ATRNL1: variants seen among roughly 807,000 people sequenced by gnomAD.
The protein encoded by ATRNL1 is attractin-like protein 1.
A neutral mutation model predicts 182.7 loss-of-function variants in ATRNL1; 95 were observed. The observed-to-expected ratio is 0.52, with a 90% CI of 0.44 to 0.62. ATRNL1 has a LOEUF of 0.62. Among genes scored for constraint, ATRNL1 ranks in the 20% least tolerant of loss-of-function variants. ATRNL1 has a pLI of 0.00. For missense variants in ATRNL1, 1,471 were observed against 1,679.5 expected, an observed-to-expected ratio of 0.88 and a Z score of 2.17; for synonymous variants, 576 against 568.3, an observed-to-expected ratio of 1.01 and a Z score of -0.19.
At chr10:115,870,862 T>C (rs1390980038) in intron 28 of ATRNL1, among the ~76,000 whole-genome samples, 2 of 152,192 alleles carry the variant, frequency 1.3e-5, no homozygotes, top group African/African-American at 4.8e-5. Context: ...TAATAATAGT[T>C]CTTTTCTTTA....
At chr10:115,356,375 G>A (rs1554942832) in intron 19 of ATRNL1, among the ~76,000 whole-genome samples, 1 of 151,950 alleles carries the variant, frequency 6.6e-6, no homozygotes, top group Admixed American at 6.6e-5. Flanking sequence ...TATTCTCTCA[G>A]TACATACTAC....
At chr10:115,410,147 T>C (rs1298175216) in intron 20 of ATRNL1, among the ~76,000 whole-genome samples, 2 of 152,138 alleles carry the variant, frequency 1.3e-5, no homozygotes, top group Non-Finnish European at 2.9e-5. Context: ...TCAGGAGTTT[T>C]GAAAATGTCC....
At chr10:115,196,333 C>G (rs1211225686) in intron 8 of ATRNL1, among the ~76,000 whole-genome samples, 1 of 152,136 alleles carries the variant, frequency 6.6e-6, no homozygotes, top group Non-Finnish European at 1.5e-5. Flanking sequence ...GTATCACACT[C>G]TATTGATTAC....
At chr10:115,111,584 C>T (rs932935728) in intron 1 of ATRNL1, among the ~76,000 whole-genome samples, 13 of 152,226 alleles carry the variant, frequency 8.5e-5, no homozygotes, top group Middle Eastern at 3.4e-3. Flanking sequence ...AACCAACTCT[C>T]TCAGGAACTA....
At chr10:115,797,643 AG>A (rs557633318) in intron 27 of ATRNL1, among the ~76,000 whole-genome samples, 1 of 152,274 alleles carries the variant, frequency 6.6e-6, no homozygotes, top group South Asian at 2.1e-4. Context: ...AGTATCTGTT[AG>A]GTAGTGATAA....
At chr10:115,412,995 A>G (rs1354432092) in intron 20 of ATRNL1, among the ~76,000 whole-genome samples, 3 of 152,170 alleles carry the variant, frequency 2.0e-5, no homozygotes, top group East Asian at 1.9e-4. Context: ...TCCAGATCAT[A>G]TTATTATTAG....
rs1370915562 is a variant in ATRNL1, at chr10:115,945,744, G to A, written c.*965G>A. On this transcript the variant is annotated 3_prime_UTR_variant, in exon 29 of 29. Coordinates refer to ENST00000355044, the MANE Select transcript of ATRNL1 (RefSeq NM_207303.4). ...CTACCTTTTACAAATGTTACAAAAT[G>A]TATTTTAGAGGCGACATCTCTCAAG... is the stretch of plus-strand genomic sequence containing the variant. 6.6e-6 allele frequency: 1 copy of A among 152,132 alleles called. No individual in the cohort carries two copies. The highest frequency in any genetic ancestry group is 1.5e-5 in the Non-Finnish European group (1 of 68,024). 9.4% of individuals were successfully genotyped at this position (152,132 alleles called of 1,614,324 possible).
chr10:115,737,434 T>TAAA (rs201707341), intron 27 of ATRNL1, among the ~76,000 whole-genome samples: 1 of 139,390 alleles, frequency 7.2e-6, no homozygotes, highest in Admixed American at 7.2e-5. Flanking sequence ...AGACCCTGTC[T>TAAA]AAAAAAAAAA....
At chr10:115,548,100 C>T (rs568926932) in intron 25 of ATRNL1, among the ~76,000 whole-genome samples, 3 of 152,252 alleles carry the variant, frequency 2.0e-5, no homozygotes, top group Non-Finnish European at 2.9e-5. Flanking sequence ...TTTGGTACTA[C>T]GACTTAGTCC....
chr10:115,559,859 T>C (rs571273512), intron 26 of ATRNL1, among the ~76,000 whole-genome samples: 28 of 152,318 alleles, frequency 1.8e-4, no homozygotes, highest in South Asian at 1.5e-3. Context: ...TCTAATTCTA[T>C]TCAACATTTT....
At chr10:115,780,511 A>C (rs530892115) in intron 27 of ATRNL1, among the ~76,000 whole-genome samples, 31 of 152,138 alleles carry the variant, frequency 2.0e-4, no homozygotes, top group Non-Finnish European at 4.4e-4. Flanking sequence ...ACCCCTCCCC[A>C]AACCCCAGGC....
At chr10:115,143,490 T>C (rs1845835496) in intron 5 of ATRNL1, among the ~76,000 whole-genome samples, 1 of 152,140 alleles carries the variant, frequency 6.6e-6, no homozygotes, top group African/African-American at 2.4e-5. Context: ...GCATAATATC[T>C]TAGCTCAGGC....
intron 26 of ATRNL1, among the ~76,000 whole-genome samples, chr10:115,563,221 G>A (rs1853864094): frequency 6.6e-6 from 1 of 152,152 alleles, no homozygotes. Context: ...ATAAATTACT[G>A]TGGAATGATA....
chr10:115,109,168 T>TC (rs200425308), intron 1 of ATRNL1, among the ~76,000 whole-genome samples: 4 of 150,830 alleles, frequency 2.7e-5, no homozygotes, highest in African/African-American at 9.7e-5. Context: ...CCTTTTTTTT[T>TC]CCCAAACTCT....
intron 28 of ATRNL1, among the ~76,000 whole-genome samples, chr10:115,884,545 A>G (rs2134448347): frequency 6.6e-6 from 1 of 152,344 alleles, no homozygotes; most frequent in Admixed American, 6.5e-5. Context: ...CAGAGATAAT[A>G]TTATGGGGAA....
At chr10:115,749,281 A>G (rs1253625979) in intron 27 of ATRNL1, among the ~76,000 whole-genome samples, 2 of 151,920 alleles carry the variant, frequency 1.3e-5, no homozygotes, top group Non-Finnish European at 2.9e-5. Flanking sequence ...CATTAGAAAC[A>G]GTAAACCAAT....
At chr10:115,375,878 A>G (rs1857643198) in intron 19 of ATRNL1, among the ~76,000 whole-genome samples, 1 of 152,102 alleles carries the variant, frequency 6.6e-6, no homozygotes, top group Non-Finnish European at 1.5e-5. Flanking sequence ...TACCACTGTT[A>G]CTGTATTACT....
At chr10:115,447,341 TTAGA>T (rs1381294583) in intron 21 of ATRNL1, among the ~76,000 whole-genome samples, 2 of 151,822 alleles carry the variant, frequency 1.3e-5, no homozygotes, top group Non-Finnish European at 3.0e-5. Flanking sequence ...GTGTCTTTTT[TTAGA>T]TAGAGCCACC....
At chr10:115,573,739 G>A (rs1462652161) in intron 26 of ATRNL1, among the ~76,000 whole-genome samples, 1 of 152,098 alleles carries the variant, frequency 6.6e-6, no homozygotes, top group African/African-American at 2.4e-5. Context: ...GGTTAGAATA[G>A]CCTTCACCAA....
Sources: allele counts gnomAD v4.1 joint callset (sites outside exome capture counted in the v4.1 genomes callset), GRCh38; gene constraint gnomAD v4.1.1; transcripts MANE v1.5; gene names NCBI Gene and HGNC (gene_info 2026-07-23, HGNC 2026-07-21).